The following MYH13 variants were observed in gnomAD, a reference collection of about 807,000 sequenced individuals.
MYH13 encodes the protein myosin-13.
In MYH13, 177 loss-of-function variants were observed where a neutral mutation model predicts 232.1. The ratio of observed to expected loss-of-function variants is 0.76; its 90% CI spans 0.67 to 0.86. The LOEUF (loss-of-function observed/expected upper bound fraction) is 0.86. Ranked by LOEUF, MYH13 falls within the 40% of genes least tolerant of loss-of-function variation. The pLI, the probability that MYH13 is intolerant of heterozygous loss-of-function variation, is 0.00. For missense variants in MYH13, 2,246 were observed against 2,405.9 expected, an observed-to-expected ratio of 0.93 and a Z score of 1.39; for synonymous variants, 884 against 923.5, an observed-to-expected ratio of 0.96 and a Z score of 0.78.
rs199949513 is a variant in MYH13 at position 10,309,701 on chromosome 17, G to A, written c.4786C>T (p.Arg1596Trp). The stretch of plus-strand genomic sequence containing the variant: ...ACGCTCTGCAGGGCCTCTGCTGCCC[G>A]CTGGCTGTTTCTTTTTAGCTGCTCG... ...EIEQLKRNSQ[R>W]AAEALQSVLD... is the part of the protein sequence containing the mutation. Residue 1596 changes from arginine to tryptophan, a missense_variant, in exon 34 of 41, where the codon CGG (arginine) becomes TGG (tryptophan). Arg to Trp is a moderately radical substitution (Grantham distance 101). Transcript: ENST00000252172. 6.2e-6 allele frequency: 10 copies of A among 1,606,582 alleles called. No individual in the cohort carries two copies. The South Asian group carries it at 8.9e-5, about 14-fold the overall frequency.
intron 8 of MYH13, 87 bp from the exon 9 acceptor site, chr17:10,355,234 AT>A: frequency 2.2e-6 from 3 of 1,336,724 alleles, no homozygotes; most frequent in Non-Finnish European, 3.1e-6. Flanking sequence ...CCACAGATAA[AT>A]TATAAATGCA....
At chr17:10,372,597 C>T (rs1291532819) in intron 1 of MYH13, among the ~76,000 whole-genome samples, 1 of 152,152 alleles carries the variant, frequency 6.6e-6, no homozygotes, top group African/African-American at 2.4e-5. Context: ...ATTAAATAAA[C>T]ATAAAAATTT....
intron 18 of MYH13, among the ~76,000 whole-genome samples, chr17:10,336,493 C>A (rs2071576337): frequency 6.6e-6 from 1 of 152,198 alleles, no homozygotes; most frequent in African/African-American, 2.4e-5. Flanking sequence ...GGCCTCCTCG[C>A]TGGCTCAGGA....
Position 10,313,287 on chromosome 17 carries a change from T to C in MYH13, c.4052A>G (p.Tyr1351Cys), listed in dbSNP as rs796336172. ...RHDCDLLREQ[Y>C]EEEQEAKAEL... ...GGCCTTGGCTTCCTGCTCCTCCTCA[T>C]ACTGTTCCCGCAGCAGGTCACAGTC... is the stretch of plus-strand genomic sequence containing the variant. The change falls in exon 30 of 41, where the codon TAT becomes TGT. Residue 1351 changes from tyrosine (Y) to cysteine (C), a missense_variant. By Grantham distance (194) the Tyr-to-Cys change is radical (BLOSUM62 -2). Coordinates refer to ENST00000252172, the MANE Select transcript of MYH13 (RefSeq NM_003802.3). 6.2e-7 allele frequency: 1 copy of C among 1,614,210 alleles called. No homozygotes were observed. Among genetic ancestry groups the C allele is most frequent in the East Asian group, 2.2e-5 (1 of 44,880 alleles).
chr17:10,315,909 C>T lies in MYH13; in HGVS notation c.3855G>A (p.Gln1285=). 6.2e-7 allele frequency: 1 copy of T among 1,614,006 alleles called. No individual in the cohort carries two copies. The highest frequency in any genetic ancestry group is 8.5e-7 in the Non-Finnish European group (1 of 1,179,904). The part of the protein sequence containing the change: ...HDLNMQKARL[Q]TQNGELSHRV... ...CCTGCCCATTCTCACCATTTTGGGT[C>T]TGCAGTCTTGCTTTCTGCATGTTCA... is the stretch of plus-strand genomic sequence containing the variant. Residue 1285 remains glutamine (Q), a synonymous_variant, in exon 28 of 41, where the codon CAG becomes CAA. Transcript: ENST00000252172.
At chr17:10,366,862 A>G (rs533557877) in intron 2 of MYH13, among the ~76,000 whole-genome samples, 1 of 152,364 alleles carries the variant, frequency 6.6e-6, no homozygotes, top group Admixed American at 6.5e-5. Context: ...TACAGAAAGA[A>G]AAGCATCCAC....
intron 18 of MYH13, among the ~76,000 whole-genome samples, chr17:10,337,867 A>G (rs1228570812): frequency 3.3e-5 from 5 of 152,174 alleles, no homozygotes; most frequent in Non-Finnish European, 1.5e-5. Flanking sequence ...ATCCTGGCTA[A>G]CATGGTGAAA....
intron 2 of MYH13, 24 bp downstream of exon 2, chr17:10,371,185 G>C (rs995433446): frequency 2.0e-5 from 3 of 152,148 alleles, no homozygotes; most frequent in Non-Finnish European, 4.4e-5. Flanking sequence ...TTGCATTCAT[G>C]ATCAAGCTGA....
rs1223553327 is a variant in MYH13 at position 10,371,966 on chromosome 17, T to C, written c.-63-707A>G. On this transcript the variant is annotated intron_variant, in intron 1 of 40. Coordinates refer to ENST00000252172, the MANE Select transcript of MYH13 (RefSeq NM_003802.3). ...ATGAGTGTCTGAAAAATTTTCAATA[T>C]CAAATGTAATCTAAGCAAACTTCCC... Among the ~76,000 whole-genome samples the C allele has an allele frequency of 3.3e-5, 5 of 152,150 alleles. No individual in the cohort carries two copies. In the East Asian group the frequency reaches 9.6e-4, roughly 29 times the overall value.
intron 2 of MYH13, among the ~76,000 whole-genome samples, chr17:10,365,778 G>A (rs892639922): frequency 7.9e-5 from 12 of 151,742 alleles, no homozygotes; most frequent in African/African-American, 2.2e-4. Context: ...TGTGCGTGGC[G>A]GTGTCAGGGT....
chr17:10,346,156 T>C (rs1463389466), intron 13 of MYH13, among the ~76,000 whole-genome samples: 2 of 152,192 alleles, frequency 1.3e-5, no homozygotes, highest in Non-Finnish European at 2.9e-5. Flanking sequence ...AAAGATATTT[T>C]TCTAACAACA....
intron 2 of MYH13, among the ~76,000 whole-genome samples, chr17:10,366,137 A>G (rs1229445421): frequency 6.6e-6 from 1 of 151,938 alleles, no homozygotes; most frequent in Non-Finnish European, 1.5e-5. Flanking sequence ...ACTCCTGTCT[A>G]AGGTTCCCGT....
At chr17:10,325,238 C>T (rs1215525075) in intron 22 of MYH13, among the ~76,000 whole-genome samples, 1 of 152,196 alleles carries the variant, frequency 6.6e-6, no homozygotes, top group African/African-American at 2.4e-5. Flanking sequence ...CTTCCTGCTA[C>T]CACCAGTTGG....
chr17:10,353,927 G>GAAAA (rs1389670914), intron 11 of MYH13, among the ~76,000 whole-genome samples: 1 of 125,498 alleles, frequency 8.0e-6, no homozygotes, highest in Non-Finnish European at 1.8e-5. Context: ...GAGGAAGGAA[G>GAAAA]GAAAGAAGGA....
At chr17:10,334,938 G>A (rs2071561341) in intron 18 of MYH13, among the ~76,000 whole-genome samples, 1 of 151,798 alleles carries the variant, frequency 6.6e-6, no homozygotes, top group Non-Finnish European at 1.5e-5. Flanking sequence ...CGCCGATGTG[G>A]AGAGAACCTT....
chr17:10,349,045 C>CTTCCCTTCCCTTCCT (rs1023720164), intron 12 of MYH13, among the ~76,000 whole-genome samples: 1 of 150,094 alleles, frequency 6.7e-6, no homozygotes, highest in Non-Finnish European at 1.5e-5. Flanking sequence ...TCTCCCTTCC[C>CTTCCCTTCCCTTCCT]TTCCCTTCCC....
intron 26 of MYH13, 27 bp downstream of exon 26, chr17:10,320,126 T>C (rs1203090099): frequency 1.3e-6 from 2 of 1,534,958 alleles, no homozygotes; most frequent in Non-Finnish European, 1.8e-6. Flanking sequence ...GGGATTGTCA[T>C]GATTGGGAAG....
intron 16 of MYH13, among the ~76,000 whole-genome samples, chr17:10,343,354 C>T (rs1050417588): frequency 2.0e-5 from 3 of 152,038 alleles, no homozygotes; most frequent in Non-Finnish European, 4.4e-5. Context: ...TGTGCCACCA[C>T]ACTCGGCTAA....
chr17:10,323,791 AAGAAGAAGAAGAAG>A (rs1907087820), intron 23 of MYH13, among the ~76,000 whole-genome samples: 4 of 37,120 alleles, frequency 1.1e-4, no homozygotes, highest in African/African-American at 3.8e-4. Context: ...AAAAAAAAAG[AAGAAGAAGAAGAAG>A]AAGAAGAAGA....
Sources: allele counts gnomAD v4.1 joint callset (sites outside exome capture counted in the v4.1 genomes callset), GRCh38; gene constraint gnomAD v4.1.1; transcripts MANE v1.5; gene names NCBI Gene and HGNC (gene_info 2026-07-23, HGNC 2026-07-21).